IL1RAPL1: variants seen among roughly 807,000 people sequenced by gnomAD.
The protein encoded by IL1RAPL1 is interleukin-1 receptor accessory protein-like 1.
Under a neutral mutation model 48.4 loss-of-function variants are expected in IL1RAPL1, and 3 were observed. The ratio of observed to expected loss-of-function variants is 0.06; its 90% CI spans 0.03 to 0.16. IL1RAPL1 has a LOEUF of 0.16. Ranked by LOEUF, IL1RAPL1 falls within the 10% of genes least tolerant of loss-of-function variation. The pLI, the probability that IL1RAPL1 is intolerant of heterozygous loss-of-function variation, is 1.00. For missense variants in IL1RAPL1, 349 were observed against 530.6 expected, an observed-to-expected ratio of 0.66 and a Z score of 3.36; for synonymous variants, 185 against 187.7, an observed-to-expected ratio of 0.99 and a Z score of 0.12.
At chrX:29,066,696 G>T (rs931857355) in intron 2 of IL1RAPL1, among the ~76,000 whole-genome samples, 2 of 111,913 alleles carry the variant, frequency 1.8e-5, no homozygotes, top group Non-Finnish European at 3.8e-5. Flanking sequence ...AGTGGGAGGA[G>T]CACCTCCAGT....
chrX:29,402,213 C>T (rs1934003153), intron 5 of IL1RAPL1, among the ~76,000 whole-genome samples: 1 of 111,682 alleles, frequency 9.0e-6, no homozygotes, highest in Non-Finnish European at 1.9e-5. Flanking sequence ...CATTGAAGTT[C>T]TTACTCCAAA....
chrX:28,997,246 A>C (rs1400633499), intron 2 of IL1RAPL1, among the ~76,000 whole-genome samples: 1 of 111,957 alleles, frequency 8.9e-6, no homozygotes, highest in Non-Finnish European at 1.9e-5. Flanking sequence ...AATTTATTGG[A>C]TATGAACTTG....
intron 5 of IL1RAPL1, among the ~76,000 whole-genome samples, chrX:29,474,769 C>T (rs1237981449): frequency 9.0e-6 from 1 of 111,514 alleles, no homozygotes; most frequent in Non-Finnish European, 1.9e-5. Context: ...GACATCTGCC[C>T]CCATGATCCA....
At chrX:29,935,174 T>TG (rs1252111810) in intron 8 of IL1RAPL1, among the ~76,000 whole-genome samples, 4 of 108,794 alleles carry the variant, frequency 3.7e-5, no homozygotes, top group East Asian at 2.9e-4. Flanking sequence ...ACACCGGGGG[T>TG]GGGGGGGATG....
chrX:29,345,117 A>G (rs1403382514), intron 3 of IL1RAPL1, among the ~76,000 whole-genome samples: 8 of 112,692 alleles, frequency 7.1e-5, no homozygotes, highest in Non-Finnish European at 1.5e-4. Context: ...ACCATTACAA[A>G]TAATGCTTCA....
rs182636403 is a variant in IL1RAPL1 at position 29,592,898 on chromosome X, C to T, written c.704-75532C>T. 2.1e-3 allele frequency among the ~76,000 whole-genome samples: 240 copies of T among 111,879 alleles called. 2 individuals carry two copies. The highest frequency in any genetic ancestry group is 7.6e-3 in the African/African-American group (234 of 30,767). ...ACCAGGCCCACAGTTTACACTGTCACTGTAAGAAATTGCTGGCCTTCTCTG... is the reference window on the plus strand; with the variant it reads ...ACCAGGCCCACAGTTTACACTGTCATTGTAAGAAATTGCTGGCCTTCTCTG... On this transcript the variant is annotated intron_variant, in intron 5 of 10. Coordinates refer to ENST00000378993, the MANE Select transcript of IL1RAPL1 (RefSeq NM_014271.4).
At chrX:28,910,335 GATGTTAGTAAT>G (rs1401311217) in intron 2 of IL1RAPL1, among the ~76,000 whole-genome samples, 1 of 111,070 alleles carries the variant, frequency 9.0e-6, no homozygotes, top group Non-Finnish European at 1.9e-5. Flanking sequence ...AAAAACATTT[GATGTTAGTAAT>G]ATGTGAAATC....
intron 5 of IL1RAPL1, among the ~76,000 whole-genome samples, chrX:29,508,603 G>A (rs1935361354): frequency 9.0e-6 from 1 of 111,705 alleles, no homozygotes; most frequent in African/African-American, 3.3e-5. Context: ...AAGACATCCA[G>A]GATCATTTAC....
At chrX:29,000,912 CT>C (rs1296571365) in intron 2 of IL1RAPL1, among the ~76,000 whole-genome samples, 56 of 93,671 alleles carry the variant, frequency 6.0e-4, no homozygotes, top group Middle Eastern at 5.6e-3. Flanking sequence ...AGTTATTGCT[CT>C]TTTTTTTTTT....
chrX:28,900,716 C>A (rs916059800), intron 2 of IL1RAPL1, among the ~76,000 whole-genome samples: 1 of 111,625 alleles, frequency 9.0e-6, no homozygotes, highest in East Asian at 2.8e-4. Context: ...ACATTAGCAT[C>A]CCACTTCCAG....
At chrX:29,305,413 A>G (rs951752968) in intron 3 of IL1RAPL1, among the ~76,000 whole-genome samples, 3 of 112,233 alleles carry the variant, frequency 2.7e-5, no homozygotes, top group Non-Finnish European at 5.6e-5. Flanking sequence ...TTATCCTTAT[A>G]TATCTTGAGA....
chrX:29,084,153 A>G (rs1246471695), intron 2 of IL1RAPL1, among the ~76,000 whole-genome samples: 5 of 111,742 alleles, frequency 4.5e-5, no homozygotes, highest in Non-Finnish European at 9.4e-5. Context: ...GCATGACTAC[A>G]CATTTCATTA....
chrX:28,818,128 G>T, intron 2 of IL1RAPL1, among the ~76,000 whole-genome samples: 1 of 108,696 alleles, frequency 9.2e-6, no homozygotes, highest in African/African-American at 3.5e-5. Context: ...GCCAAATATT[G>T]AGTTTTGTGA....
chrX:28,954,324 A>T (rs1340329537), intron 2 of IL1RAPL1, among the ~76,000 whole-genome samples: 1 of 111,161 alleles, frequency 9.0e-6, no homozygotes, highest in African/African-American at 3.3e-5. Context: ...TTTGAATTCC[A>T]GCTCTGCTCC....
At chrX:29,622,609 T>C (rs1398511505) in intron 5 of IL1RAPL1, among the ~76,000 whole-genome samples, 1 of 111,913 alleles carries the variant, frequency 8.9e-6, no homozygotes, top group Non-Finnish European at 1.9e-5. Context: ...CATTCCTTCA[T>C]GGCCATGTCA....
intron 1 of IL1RAPL1, among the ~76,000 whole-genome samples, chrX:28,775,989 A>T (rs1406468020): frequency 8.9e-6 from 1 of 111,803 alleles, no homozygotes; most frequent in Admixed American, 9.5e-5. Flanking sequence ...TATATTTTTT[A>T]TTTGTTCACT....
At chrX:29,898,375 G>GTGTT (rs771793340) in intron 6 of IL1RAPL1, among the ~76,000 whole-genome samples, 364 of 112,138 alleles carry the variant, frequency 3.2e-3, no homozygotes, top group Non-Finnish European at 5.1e-3. Flanking sequence ...ATCCAAGATG[G>GTGTT]TGTTTGATTC....
chrX:29,493,254 A>G (rs144820903), intron 5 of IL1RAPL1, among the ~76,000 whole-genome samples: 1,438 of 112,010 alleles, frequency 0.013, 23 homozygotes, highest in Admixed American at 0.044. Flanking sequence ...TCTGGTGAGA[A>G]CAGAACCCAA....
At chrX:29,366,259 C>T (rs754193027) in intron 3 of IL1RAPL1, among the ~76,000 whole-genome samples, 1 of 110,378 alleles carries the variant, frequency 9.1e-6, no homozygotes, top group South Asian at 3.8e-4. Context: ...TCTAAGGACC[C>T]CTTCTAGGTC....
Sources: gnomAD v4.1 joint callset for allele counts (sites outside exome capture counted in the v4.1 genomes callset) on GRCh38, gnomAD v4.1.1 for gene constraint, MANE v1.5 for transcripts, NCBI Gene and HGNC (gene_info 2026-07-23, HGNC 2026-07-21) for gene names.